ERC2: variants seen among roughly 807,000 people sequenced by gnomAD.
The protein encoded by ERC2 is ERC protein 2.
A neutral mutation model predicts 114.8 loss-of-function variants in ERC2; 42 were observed. That is an observed-to-expected ratio of 0.37 (90% CI 0.29 to 0.47). The LOEUF (loss-of-function observed/expected upper bound fraction) is 0.47. ERC2 is among the 20% of genes least tolerant of loss of function. The pLI is 0.99. For missense variants in ERC2, 939 were observed against 1,150.7 expected (o/e 0.82, Z 2.66); for synonymous variants, 454 against 425.5 (o/e 1.07, Z -0.82).
At chr3:55,569,104 G>C (rs1461005715) in intron 17 of ERC2, among the ~76,000 whole-genome samples, 1 of 152,130 alleles carries the variant, frequency 6.6e-6, no homozygotes, top group Non-Finnish European at 1.5e-5. Flanking sequence ...TGTGGTTGAG[G>C]GGGAGGGGCT....
intron 17 of ERC2, among the ~76,000 whole-genome samples, chr3:55,619,256 A>T (rs1575794478): frequency 6.6e-6 from 1 of 152,190 alleles, no homozygotes. Context: ...ATTCTGAAGA[A>T]ATCCGAAGGA....
intron 13 of ERC2, among the ~76,000 whole-genome samples, chr3:55,944,453 C>T (rs2067004587): frequency 6.6e-6 from 1 of 152,074 alleles, no homozygotes; most frequent in Non-Finnish European, 1.5e-5. Flanking sequence ...GGTCAGAAAT[C>T]CACAGGAAAA....
At chr3:55,569,861 A>ATTTTTTTTTTTTTTTTTTTTTTTTTTTT (rs375004734) in intron 17 of ERC2, among the ~76,000 whole-genome samples, 1 of 125,230 alleles carries the variant, frequency 8.0e-6, no homozygotes, top group Non-Finnish European at 1.7e-5. Flanking sequence ...CTTCATTTCT[A>ATTTTTTTTTTTTTTTTTTTTTTTTTTTT]TTTTTTTTTT....
intron 10 of ERC2, among the ~76,000 whole-genome samples, chr3:55,997,887 T>G (rs1211233748): frequency 0.022 from 977 of 44,586 alleles, 30 homozygotes; most frequent in African/African-American, 0.058. Context: ...TCTGTTTTTT[T>G]TTTTTTTTTT....
intron 2 of ERC2, among the ~76,000 whole-genome samples, chr3:56,328,702 T>C (rs2057474201): frequency 6.6e-6 from 1 of 152,156 alleles, no homozygotes; most frequent in South Asian, 2.1e-4. Flanking sequence ...TATATAATTA[T>C]TGTTCTACAG....
At chr3:55,929,338 C>T (rs552397731) in intron 13 of ERC2, among the ~76,000 whole-genome samples, 1 of 152,312 alleles carries the variant, frequency 6.6e-6, no homozygotes, top group South Asian at 2.1e-4. Context: ...AAGTAAGGGG[C>T]TCTGAGCCAG....
chr3:56,096,081 T>G (rs1366883537), intron 6 of ERC2, among the ~76,000 whole-genome samples: 1 of 152,148 alleles, frequency 6.6e-6, no homozygotes, highest in African/African-American at 2.4e-5. Flanking sequence ...TTAATTGAAA[T>G]ATGACTTTTA....
intron 4 of ERC2, among the ~76,000 whole-genome samples, chr3:56,163,132 C>A (rs2082142734): frequency 6.6e-6 from 1 of 152,108 alleles, no homozygotes; most frequent in South Asian, 2.1e-4. Context: ...ACTCAAAAGT[C>A]ATGCAGGAGC....
intron 13 of ERC2, among the ~76,000 whole-genome samples, chr3:55,941,297 CTGCCCTGA>C (rs1384068463): frequency 6.6e-6 from 1 of 152,168 alleles, no homozygotes; most frequent in Admixed American, 6.5e-5. Flanking sequence ...TGTAGATGCA[CTGCCCTGA>C]TGCCCCTTCA....
rs11343406 is a variant in ERC2, at chr3:56,443,958, A to ATTTTTTTTTT, written c.-140-8821_-140-8812dup. Among the ~76,000 whole-genome samples, 261 of 80,158 alleles carry ATTTTTTTTTT rather than the reference A, an allele frequency of 3.3e-3. 3 individuals carry two copies. Among genetic ancestry groups the ATTTTTTTTTT allele is most frequent in the East Asian group, 6.8e-3 (15 of 2,214 alleles). The allele number at this position is 80,158 out of a possible 152,430, so 52.6% of individuals were successfully genotyped here. On this transcript the variant is annotated intron_variant, in intron 1 of 17. Transcript: ENST00000288221. ...TGTGAACTCTTTAAAAATACCTACA[A>ATTTTTTTTTT]TTTTTTTTTTTTTTTTTTGGTTGAG...
intron 2 of ERC2, among the ~76,000 whole-genome samples, chr3:56,376,712 A>C (rs934388094): frequency 3.0e-4 from 45 of 151,692 alleles, no homozygotes; most frequent in African/African-American, 1.1e-3. Context: ...GCAGTGAGCC[A>C]AGATTGCACC....
At chr3:56,220,884 A>G (rs1575911667) in intron 3 of ERC2, among the ~76,000 whole-genome samples, 1 of 152,332 alleles carries the variant, frequency 6.6e-6, no homozygotes, top group Middle Eastern at 3.4e-3. Context: ...CACCAACTAT[A>G]GAAAGGAGGT....
intron 12 of ERC2, among the ~76,000 whole-genome samples, chr3:55,962,504 T>C (rs898246882): frequency 1.3e-5 from 2 of 152,240 alleles, no homozygotes; most frequent in Non-Finnish European, 2.9e-5. Context: ...AGGGTCAGAT[T>C]TGGCCTGTGG....
In ERC2 at chr3:56,434,824, T is replaced by A. The variant is rs1355882118; in HGVS notation, c.184A>T (p.Met62Leu). 2 of 1,613,926 alleles carry A rather than the reference T, an allele frequency of 1.2e-6. No homozygotes were observed. Among genetic ancestry groups the A allele is most frequent in the Non-Finnish European group, 1.7e-6 (2 of 1,179,878 alleles). Residue 62 changes from methionine (M) to leucine (L), a missense_variant, in exon 2 of 18, where the codon ATG becomes TTG. Met to Leu is a conservative substitution (Grantham distance 15). Coordinates refer to ENST00000288221, the MANE Select transcript of ERC2 (RefSeq NM_015576.3). ...ACCCCTTCATGATCACTCAGATACA[T>A]GGGTCCAGACGTAGCATAGGCTGCA... ...LNAAYATSGP[M>L]YLSDHEGVAS...
intron 17 of ERC2, among the ~76,000 whole-genome samples, chr3:55,682,117 C>T (rs1265136256): frequency 6.6e-6 from 1 of 152,186 alleles, no homozygotes; most frequent in Admixed American, 6.5e-5. Flanking sequence ...ACGCTTTCTT[C>T]TCATTTCATA....
chr3:55,998,792 C>T (rs532733944), intron 10 of ERC2, among the ~76,000 whole-genome samples: 4 of 152,222 alleles, frequency 2.6e-5, no homozygotes, highest in African/African-American at 9.6e-5. Context: ...AACATGCCTG[C>T]TTTTTGGCTT....
At chr3:55,904,956 T>A (rs1378901772) in intron 13 of ERC2, among the ~76,000 whole-genome samples, 3 of 152,222 alleles carry the variant, frequency 2.0e-5, no homozygotes, top group African/African-American at 7.2e-5. Context: ...AAGCCAAAGG[T>A]GAGCATGGGA....
chr3:56,257,312 T>C (rs956184217), intron 3 of ERC2, among the ~76,000 whole-genome samples: 1 of 152,220 alleles, frequency 6.6e-6, no homozygotes, highest in Non-Finnish European at 1.5e-5. Flanking sequence ...TCTGCCCTAG[T>C]AAAGTGGCAA....
chr3:55,855,370 T>C (rs764316938), intron 14 of ERC2, among the ~76,000 whole-genome samples: 17 of 152,256 alleles, frequency 1.1e-4, no homozygotes, highest in Non-Finnish European at 2.1e-4. Flanking sequence ...TCAAGTGTAA[T>C]TTGATTTACA....
Sources: gnomAD v4.1 joint callset for allele counts (sites outside exome capture counted in the v4.1 genomes callset) on GRCh38, gnomAD v4.1.1 for gene constraint, MANE v1.5 for transcripts, NCBI Gene and HGNC (gene_info 2026-07-23, HGNC 2026-07-21) for gene names.